NOL4: variants seen among roughly 807,000 people sequenced by gnomAD.
The protein encoded by NOL4 is cancer/testis antigen 125.
A neutral mutation model predicts 75.9 loss-of-function variants in NOL4; 17 were observed. The observed-to-expected ratio is 0.22, with a 90% CI of 0.15 to 0.34. The LOEUF (loss-of-function observed/expected upper bound fraction) is 0.34, where lower values mean the gene tolerates loss of function less well. Among genes scored for constraint, NOL4 ranks in the 10% least tolerant of loss-of-function variants. The pLI, the probability that NOL4 is intolerant of heterozygous loss-of-function variation, is 1.00. For synonymous variants in NOL4, 292 were observed against 289.9 expected, an observed-to-expected ratio of 1.01 and a Z score of -0.07; for missense variants, 614 against 793.5, an observed-to-expected ratio of 0.77 and a Z score of 2.72.
chr18:34,020,181 G>A (rs751109435), intron 5 of NOL4, among the ~76,000 whole-genome samples: 8 of 151,496 alleles, frequency 5.3e-5, no homozygotes, highest in South Asian at 2.1e-4. Flanking sequence ...TTATAGCAAC[G>A]CAAATGGGCT....
intron 6 of NOL4, among the ~76,000 whole-genome samples, chr18:33,989,432 A>G (rs1220948942): frequency 6.6e-6 from 1 of 152,054 alleles, no homozygotes; most frequent in African/African-American, 2.4e-5. Context: ...CCAAGCCAAG[A>G]GATAACTTTT....
At chr18:34,064,954 T>A (rs1010899425) in intron 5 of NOL4, among the ~76,000 whole-genome samples, 3 of 146,250 alleles carry the variant, frequency 2.1e-5, no homozygotes, top group Admixed American at 6.8e-5. Context: ...CACACACACA[T>A]CATATGTGTC....
At chr18:33,908,614 G>T (rs1050388353) in intron 9 of NOL4, among the ~76,000 whole-genome samples, 3 of 152,110 alleles carry the variant, frequency 2.0e-5, no homozygotes, top group Admixed American at 6.6e-5. Context: ...TTAGTGTAAA[G>T]ATTGCCCATC....
At chr18:33,865,547 TG>T (rs2063390284) in intron 10 of NOL4, among the ~76,000 whole-genome samples, 1 of 152,050 alleles carries the variant, frequency 6.6e-6, no homozygotes, top group African/African-American at 2.4e-5. Flanking sequence ...GTATTTTATC[TG>T]GGTCACTGCT....
In NOL4 at chr18:34,055,393, C is replaced by T. The variant is rs180939128; in HGVS notation, c.773-35792G>A. On this transcript the variant is annotated intron_variant, in intron 5 of 10. Coordinates refer to ENST00000261592, the MANE Select transcript of NOL4 (RefSeq NM_003787.5). Reference sequence around the variant, plus strand: ...TGTTGGCTGTAGTATTCTTGGTTGACAGCATTTTTTTCTCTAAACACTTTG... The same window carrying T: ...TGTTGGCTGTAGTATTCTTGGTTGATAGCATTTTTTTCTCTAAACACTTTG... 2.0e-3 allele frequency among the ~76,000 whole-genome samples: 312 copies of T among 152,224 alleles called. 3 individuals are homozygous for T. Among genetic ancestry groups the T allele is most frequent in the South Asian group, 6.2e-3 (30 of 4,826 alleles).
intron 1 of NOL4, among the ~76,000 whole-genome samples, chr18:34,179,410 G>T (rs1474831147): frequency 6.6e-6 from 1 of 151,058 alleles, no homozygotes; most frequent in African/African-American, 2.4e-5. Flanking sequence ...TAATCAATAA[G>T]ACCGTAAGTT....
chr18:34,095,567 T>A (rs2078738987), intron 4 of NOL4, among the ~76,000 whole-genome samples: 1 of 152,144 alleles, frequency 6.6e-6, no homozygotes, highest in African/African-American at 2.4e-5. Context: ...TCAGTTTCTT[T>A]ATCTATACAA....
At chr18:33,859,853 G>T (rs919907308) in intron 10 of NOL4, among the ~76,000 whole-genome samples, 1 of 152,114 alleles carries the variant, frequency 6.6e-6, no homozygotes, top group Non-Finnish European at 1.5e-5. Context: ...AGGAGGCAGA[G>T]GTTTCAGTGG....
In NOL4 at chr18:33,896,788, A is replaced by C. The variant is rs1179529617; in HGVS notation, c.1543-13364T>G. On this transcript the variant is annotated intron_variant, in intron 9 of 10. Coordinates refer to ENST00000261592, the MANE Select transcript of NOL4 (RefSeq NM_003787.5). Reference sequence around the variant, plus strand: ...GACATATGGGATCTAATTAAACTTAAGAGCTTCTCCACTGCAAAAGAAACT... The same window carrying C: ...GACATATGGGATCTAATTAAACTTACGAGCTTCTCCACTGCAAAAGAAACT... 2.0e-5 allele frequency among the ~76,000 whole-genome samples: 3 copies of C among 152,218 alleles called. No individual in the cohort carries two copies. In the East Asian group the frequency reaches 5.8e-4, roughly 29 times the overall value.
At chr18:33,887,058 T>TAG (rs2064765815) in intron 9 of NOL4, among the ~76,000 whole-genome samples, 3 of 140,272 alleles carry the variant, frequency 2.1e-5, no homozygotes, top group South Asian at 2.1e-4. Context: ...CTAATATATA[T>TAG]CTATATATAA....
chr18:34,116,749 T>C (rs2079879061), intron 2 of NOL4, among the ~76,000 whole-genome samples: 2 of 152,286 alleles, frequency 1.3e-5, no homozygotes, highest in South Asian at 2.1e-4. Context: ...CTGTGTATCA[T>C]AAGTATGTAA....
intron 10 of NOL4, among the ~76,000 whole-genome samples, chr18:33,865,505 C>A (rs1260480970): frequency 6.6e-6 from 1 of 152,024 alleles, no homozygotes; most frequent in Non-Finnish European, 1.5e-5. Context: ...TACACCCTCA[C>A]ATAAAAATTC....
At chr18:34,104,288 T>G in intron 3 of NOL4, 129 bp from the exon 4 acceptor site, 1 of 609,340 alleles carries the variant, frequency 1.6e-6, no homozygotes, top group East Asian at 2.9e-5. Context: ...GGTAGCATTA[T>G]AGTTGGACGG....
At chr18:33,934,862 G>A (rs78824846) in intron 9 of NOL4, among the ~76,000 whole-genome samples, 2 of 118,320 alleles carry the variant, frequency 1.7e-5, no homozygotes, top group Non-Finnish European at 3.4e-5. Flanking sequence ...GGAGTAGCAC[G>A]TTTTTTTTTT....
chr18:33,859,088 C>T (rs936604712), intron 10 of NOL4, among the ~76,000 whole-genome samples: 12 of 151,972 alleles, frequency 7.9e-5, no homozygotes, highest in African/African-American at 2.9e-4. Flanking sequence ...TTAGTCTTCC[C>T]TATTGCTTCT....
intron 8 of NOL4, among the ~76,000 whole-genome samples, chr18:33,947,593 G>C (rs1320257406): frequency 2.6e-5 from 4 of 151,546 alleles, no homozygotes; most frequent in Non-Finnish European, 4.4e-5. Context: ...CTATATCTTA[G>C]AATATTTAAA....
At chr18:34,139,564 C>G (rs1369139987) in intron 1 of NOL4, among the ~76,000 whole-genome samples, 1 of 152,086 alleles carries the variant, frequency 6.6e-6, no homozygotes, top group Non-Finnish European at 1.5e-5. Context: ...TGATTCTTCT[C>G]TCTTTTCTTC....
At chr18:33,988,909 T>C (rs1380034907) in intron 6 of NOL4, among the ~76,000 whole-genome samples, 3 of 152,012 alleles carry the variant, frequency 2.0e-5, no homozygotes, top group Non-Finnish European at 4.4e-5. Flanking sequence ...TTTAAAATTA[T>C]TGGCAAGACT....
intron 1 of NOL4, among the ~76,000 whole-genome samples, chr18:34,169,392 C>A: frequency 6.7e-6 from 1 of 149,242 alleles, no homozygotes; most frequent in African/African-American, 2.5e-5. Flanking sequence ...CTAAAGTAAC[C>A]ATTGGTATTT....
Sources: gnomAD v4.1 joint callset for allele counts (sites outside exome capture counted in the v4.1 genomes callset) on GRCh38, gnomAD v4.1.1 for gene constraint, MANE v1.5 for transcripts, NCBI Gene and HGNC (gene_info 2026-07-23, HGNC 2026-07-21) for gene names.